The following SMOC1 variants were observed in gnomAD, a reference collection of about 807,000 sequenced individuals.
The protein encoded by SMOC1 is SPARC-related modular calcium-binding protein 1.
A neutral mutation model predicts 56.3 loss-of-function variants in SMOC1; 22 were observed. The ratio of observed to expected loss-of-function variants is 0.39; its 90% CI spans 0.28 to 0.56. SMOC1 has a LOEUF of 0.56. SMOC1 is among the 20% of genes least tolerant of loss of function. The pLI is 0.61. For synonymous variants in SMOC1, 193 were observed against 215.0 expected (o/e 0.90, Z 0.89); for missense variants, 509 against 565.4 (o/e 0.90, Z 1.01).
chr14:70,020,859 A>G (rs1301109829), intron 10 of SMOC1, among the ~76,000 whole-genome samples: 1 of 152,168 alleles, frequency 6.6e-6, no homozygotes, highest in African/African-American at 2.4e-5. Flanking sequence ...TCAGAAGAAG[A>G]ACTGCTTCTT....
intron 1 of SMOC1, among the ~76,000 whole-genome samples, chr14:69,903,517 G>GA (rs1884318862): frequency 6.6e-6 from 1 of 152,244 alleles, no homozygotes; most frequent in Non-Finnish European, 1.5e-5. Flanking sequence ...TGTCTGTGTA[G>GA]AAAGAAGTAG....
intron 5 of SMOC1, among the ~76,000 whole-genome samples, chr14:69,984,990 G>A (rs1374098121): frequency 4.6e-5 from 7 of 151,380 alleles, no homozygotes; most frequent in Non-Finnish European, 7.4e-5. Context: ...TGCAGCAAGC[G>A]AGATCATCAC....
chr14:69,994,336 T>A (rs1375436997), intron 6 of SMOC1, 64 bp from the exon 7 acceptor site: 65 of 1,291,332 alleles, frequency 5.0e-5, no homozygotes, highest in Non-Finnish European at 1.1e-6. Flanking sequence ...AAGTCTGAGG[T>A]TACACTTCCA....
chr14:69,962,365 A>G (rs1274948358), intron 3 of SMOC1, among the ~76,000 whole-genome samples: 1 of 152,106 alleles, frequency 6.6e-6, no homozygotes. Context: ...GGGTTTCACC[A>G]TGTCGGCCAG....
intron 1 of SMOC1, among the ~76,000 whole-genome samples, chr14:69,895,411 T>A (rs887117137): frequency 3.9e-5 from 6 of 152,152 alleles, no homozygotes; most frequent in Admixed American, 2.0e-4. Flanking sequence ...AGCAATGAGA[T>A]CAATGTAAAC....
At chr14:69,881,771 A>G (rs1883646769) in intron 1 of SMOC1, among the ~76,000 whole-genome samples, 1 of 152,200 alleles carries the variant, frequency 6.6e-6, no homozygotes, top group Non-Finnish European at 1.5e-5. Flanking sequence ...GGTTGTGTTT[A>G]TAGATAACAA....
chr14:69,952,631 C>T (rs1883045846), intron 2 of SMOC1, among the ~76,000 whole-genome samples: 1 of 152,206 alleles, frequency 6.6e-6, no homozygotes, highest in Non-Finnish European at 1.5e-5. Context: ...AAATTGTTGG[C>T]CAACAGATGT....
intron 1 of SMOC1, among the ~76,000 whole-genome samples, chr14:69,929,254 C>A (rs564697970): frequency 6.6e-6 from 1 of 152,198 alleles, no homozygotes; most frequent in African/African-American, 2.4e-5. Flanking sequence ...CTGCCTCCCC[C>A]AAACAATTTC....
intron 3 of SMOC1, among the ~76,000 whole-genome samples, chr14:69,962,753 T>G (rs1883430577): frequency 6.6e-6 from 1 of 151,874 alleles, no homozygotes; most frequent in Non-Finnish European, 1.5e-5. Context: ...ATTTTTGTGT[T>G]TTTTGTAGAG....
intron 6 of SMOC1, among the ~76,000 whole-genome samples, chr14:69,993,592 G>A (rs903170278): frequency 6.6e-6 from 1 of 152,210 alleles, no homozygotes; most frequent in Non-Finnish European, 1.5e-5. Flanking sequence ...CACAAGCTTA[G>A]CTCTGAGGAG....
intron 1 of SMOC1, among the ~76,000 whole-genome samples, chr14:69,904,848 G>A (rs977621208): frequency 1.3e-5 from 2 of 152,194 alleles, no homozygotes; most frequent in African/African-American, 2.4e-5. Context: ...CCCATGCAGT[G>A]TTGGTAGCCC....
chr14:69,947,244 C>T (rs1882818665), intron 1 of SMOC1, among the ~76,000 whole-genome samples: 1 of 152,010 alleles, frequency 6.6e-6, no homozygotes, highest in African/African-American at 2.4e-5. Context: ...CATCATGGCT[C>T]ACTGCAGCCT....
intron 1 of SMOC1, among the ~76,000 whole-genome samples, chr14:69,918,211 G>T (rs1308780471): frequency 6.6e-6 from 1 of 151,180 alleles, no homozygotes; most frequent in Non-Finnish European, 1.5e-5. Context: ...TAGGTTCCCA[G>T]AACTTACCCT....
intron 7 of SMOC1, among the ~76,000 whole-genome samples, chr14:70,002,164 T>G (rs1884992197): frequency 6.6e-6 from 1 of 152,202 alleles, no homozygotes; most frequent in African/African-American, 2.4e-5. Context: ...GCCAGTGAGT[T>G]AATTAGAAAG....
At chr14:69,993,162 G>T (rs367829564) in intron 6 of SMOC1, among the ~76,000 whole-genome samples, 5 of 152,166 alleles carry the variant, frequency 3.3e-5, no homozygotes, top group African/African-American at 9.7e-5. Context: ...TGGCCAGTGG[G>T]ACTGGTTTGT....
intron 3 of SMOC1, among the ~76,000 whole-genome samples, chr14:69,954,722 C>T (rs1319961611): frequency 5.9e-5 from 9 of 152,132 alleles, no homozygotes; most frequent in Admixed American, 5.9e-4. Context: ...CCTGCAATTT[C>T]TTTGTCCAAT....
intron 1 of SMOC1, among the ~76,000 whole-genome samples, chr14:69,903,321 C>G (rs10873222): frequency 0.8 from 120,614 of 151,114 alleles, 50,518 homozygotes; most frequent in East Asian, 0.93. Context: ...CGTCTGAGAA[C>G]TGAGGAGCCC....
intron 1 of SMOC1, among the ~76,000 whole-genome samples, chr14:69,907,047 A>G (rs972090835): frequency 6.6e-6 from 1 of 152,184 alleles, no homozygotes; most frequent in African/African-American, 2.4e-5. Context: ...TTAGGTGGAA[A>G]CAGTCATATT....
At chr14:70,027,383 G>T (rs1035486869) in intron 11 of SMOC1, among the ~76,000 whole-genome samples, 19 of 152,212 alleles carry the variant, frequency 1.2e-4, no homozygotes, top group Non-Finnish European at 2.4e-4. Flanking sequence ...AGTGGCCAGT[G>T]GGGGAGTCTG....
Sources: allele counts gnomAD v4.1 joint callset (sites outside exome capture counted in the v4.1 genomes callset), GRCh38; gene constraint gnomAD v4.1.1; transcripts MANE v1.5; gene names NCBI Gene and HGNC (gene_info 2026-07-23, HGNC 2026-07-21).